The following TSGA10 variants were observed in gnomAD, a reference collection of about 807,000 sequenced individuals.
TSGA10 encodes the protein testis-specific gene 10 protein.
Under a neutral mutation model 96.6 loss-of-function variants are expected in TSGA10, and 43 were observed. That is an observed-to-expected ratio of 0.44 (90% CI 0.35 to 0.57). TSGA10 has a LOEUF of 0.57. Ranked by LOEUF, TSGA10 falls within the 20% of genes least tolerant of loss-of-function variation. The pLI, the probability that TSGA10 is intolerant of heterozygous loss-of-function variation, is 0.01. For synonymous variants in TSGA10, 229 were observed against 269.9 expected, an observed-to-expected ratio of 0.85 and a Z score of 1.48; for missense variants, 703 against 834.4, an observed-to-expected ratio of 0.84 and a Z score of 1.94.
intron 17 of TSGA10, among the ~76,000 whole-genome samples, chr2:99,025,634 G>C (rs1056326626): frequency 2.6e-5 from 4 of 151,992 alleles, no homozygotes; most frequent in African/African-American, 9.7e-5. Context: ...TCTTGCTGTG[G>C]GTTTAGTTTG....
At chr2:99,056,297 T>C (rs998753972) in intron 16 of TSGA10, among the ~76,000 whole-genome samples, 1 of 152,096 alleles carries the variant, frequency 6.6e-6, no homozygotes, top group Non-Finnish European at 1.5e-5. Context: ...TGTAGCTAGA[T>C]TGATCTAGAA....
chr2:99,004,389 T>C (rs1280823446), intron 20 of TSGA10, among the ~76,000 whole-genome samples: 3 of 151,688 alleles, frequency 2.0e-5, no homozygotes, highest in Non-Finnish European at 2.9e-5. Context: ...GCTGGTACCA[T>C]TCCTTCTGAA....
At chr2:98,999,499 T>A (rs116613410) in intron 20 of TSGA10, among the ~76,000 whole-genome samples, 7 of 152,118 alleles carry the variant, frequency 4.6e-5, no homozygotes, top group African/African-American at 1.7e-4. Flanking sequence ...CATTTGAAAC[T>A]GAGAGTAAAA....
intron 1 of TSGA10, among the ~76,000 whole-genome samples, chr2:99,127,734 C>T (rs1378096541): frequency 6.6e-6 from 1 of 152,070 alleles, no homozygotes; most frequent in Non-Finnish European, 1.5e-5. Context: ...CCCTTTTAAC[C>T]ATCACATGGC....
chr2:99,139,838 A>G (rs2093464075), intron 1 of TSGA10, among the ~76,000 whole-genome samples: 1 of 152,224 alleles, frequency 6.6e-6, no homozygotes, highest in African/African-American at 2.4e-5. Context: ...ATTAAGGAAA[A>G]TCAAGGAAGT....
At chr2:99,116,439 G>A (rs1199263645) in intron 4 of TSGA10, among the ~76,000 whole-genome samples, 1 of 151,962 alleles carries the variant, frequency 6.6e-6, no homozygotes, top group Non-Finnish European at 1.5e-5. Context: ...AAAGGCAAAT[G>A]AATCAATGAA....
intron 16 of TSGA10, among the ~76,000 whole-genome samples, chr2:99,041,551 G>A (rs1357354532): frequency 6.6e-6 from 1 of 152,094 alleles, no homozygotes; most frequent in African/African-American, 2.4e-5. Context: ...AGTGATCTTC[G>A]AGAGAGCAAA....
chr2:99,000,683 G>A (rs762685258), intron 20 of TSGA10, among the ~76,000 whole-genome samples: 58 of 152,176 alleles, frequency 3.8e-4, no homozygotes, highest in Admixed American at 1.1e-3. Context: ...CACAGAGTGT[G>A]AGCCAAAGCA....
chr2:99,076,689 C>G (rs1574095889), intron 12 of TSGA10, among the ~76,000 whole-genome samples: 1 of 152,244 alleles, frequency 6.6e-6, no homozygotes, highest in East Asian at 1.9e-4. Context: ...ATATCTATCT[C>G]TCTACAACCT....
At chr2:99,097,935 T>C (rs535069334) in intron 10 of TSGA10, among the ~76,000 whole-genome samples, 1 of 152,122 alleles carries the variant, frequency 6.6e-6, no homozygotes, top group South Asian at 2.1e-4. Flanking sequence ...GTAAGAAATA[T>C]GAGTAGAGAT....
chr2:99,019,334 T>C (rs908971144), intron 18 of TSGA10, among the ~76,000 whole-genome samples: 2 of 152,206 alleles, frequency 1.3e-5, no homozygotes, highest in East Asian at 1.9e-4. Context: ...AAACAGAGTA[T>C]AGCCCTTAGG....
chr2:99,110,608 T>TA (rs1167346627), intron 5 of TSGA10, among the ~76,000 whole-genome samples: 1 of 152,134 alleles, frequency 6.6e-6, no homozygotes, highest in Non-Finnish European at 1.5e-5. Flanking sequence ...AGGACATTAA[T>TA]AAAACCAACC....
intron 1 of TSGA10, among the ~76,000 whole-genome samples, chr2:99,139,600 A>C (rs866091473): frequency 2.0e-5 from 3 of 152,212 alleles, no homozygotes; most frequent in African/African-American, 2.4e-5. Flanking sequence ...AAAACCATAC[A>C]AGATTTATGA....
At chr2:99,063,792 G>A (rs890533801) in intron 16 of TSGA10, among the ~76,000 whole-genome samples, 11 of 151,804 alleles carry the variant, frequency 7.2e-5, no homozygotes, top group South Asian at 2.1e-4. Context: ...GCGACAGAGC[G>A]AGACTCCATC....
intron 1 of TSGA10, among the ~76,000 whole-genome samples, chr2:99,146,200 G>A (rs1202851299): frequency 6.6e-6 from 1 of 152,190 alleles, no homozygotes; most frequent in Admixed American, 6.5e-5. Context: ...GGAGAATCAT[G>A]TGAACCCAGA....
intron 20 of TSGA10, among the ~76,000 whole-genome samples, chr2:99,010,050 T>C (rs2078877308): frequency 1.3e-5 from 2 of 152,242 alleles, no homozygotes; most frequent in African/African-American, 4.8e-5. Context: ...TTGTGATACA[T>C]AGAAATATAT....
intron 16 of TSGA10, among the ~76,000 whole-genome samples, chr2:99,041,817 T>C (rs978055308): frequency 3.3e-5 from 5 of 151,968 alleles, no homozygotes; most frequent in African/African-American, 7.3e-5. Context: ...CAAAGATAAA[T>C]AGATGCGACT....
At chr2:99,053,812 A>G (rs990369504) in intron 16 of TSGA10, among the ~76,000 whole-genome samples, 1 of 152,214 alleles carries the variant, frequency 6.6e-6, no homozygotes, top group Non-Finnish European at 1.5e-5. Flanking sequence ...AATCCCATTT[A>G]TAATAGCATA....
At chr2:99,045,344 G>C (rs1422332547) in intron 16 of TSGA10, among the ~76,000 whole-genome samples, 3 of 152,104 alleles carry the variant, frequency 2.0e-5, no homozygotes, top group African/African-American at 7.2e-5. Context: ...GAAAGGTCGG[G>C]TTACCCACAA....
Sources: allele counts gnomAD v4.1 joint callset (sites outside exome capture counted in the v4.1 genomes callset), GRCh38; gene constraint gnomAD v4.1.1; transcripts MANE v1.5; gene names NCBI Gene and HGNC (gene_info 2026-07-23, HGNC 2026-07-21).